Variants in AFF3 observed in about 807,000 individuals in gnomAD.
AFF3 encodes the protein AF4/FMR2 family member 3.
In AFF3, 32 loss-of-function variants were observed where a neutral mutation model predicts 129.7. The ratio of observed to expected loss-of-function variants is 0.25; its 90% confidence interval spans 0.19 to 0.33. The LOEUF (loss-of-function observed/expected upper bound fraction) is 0.33, where lower values mean the gene tolerates loss of function less well. AFF3 is among the 10% of genes least tolerant of loss of function. AFF3 has a pLI of 1.00. For synonymous variants in AFF3, 644 were observed against 635.4 expected, an observed-to-expected ratio of 1.01 and a Z score of -0.20; for missense variants, 1,373 against 1,592.0, an observed-to-expected ratio of 0.86 and a Z score of 2.34.
In AFF3 at chr2:100,117,174, A is replaced by G. The variant is rs546821121; in HGVS notation, c.-144-11591T>C. ...CTTCTTATCTAAGTTTGATAGCTTCATCAGTTTGGGAAGTTCTTAGCCATT... is the reference window on the plus strand; with the variant it reads ...CTTCTTATCTAAGTTTGATAGCTTCGTCAGTTTGGGAAGTTCTTAGCCATT... On this transcript the variant is annotated intron_variant, in intron 2 of 24. Coordinates refer to ENST00000672756, the MANE Select transcript of AFF3 (RefSeq NM_001386135.1). 2.5e-4 allele frequency among the ~76,000 whole-genome samples: 38 copies of G among 152,274 alleles called. No homozygotes were observed. In the South Asian group the frequency reaches 6.0e-3, roughly 24 times the overall value.
chr2:99,802,495 T>C (rs1686017124), intron 8 of AFF3, among the ~76,000 whole-genome samples: 1 of 152,060 alleles, frequency 6.6e-6, no homozygotes, highest in African/African-American at 2.4e-5. Context: ...ACCCTGTCTC[T>C]ACAAAAAATT....
rs13400669 is a variant in AFF3, at chr2:100,038,421, T to C, written c.54-29489A>G. On this transcript the variant is annotated intron_variant, in intron 4 of 24. Coordinates refer to ENST00000672756, the MANE Select transcript of AFF3 (RefSeq NM_001386135.1). The stretch of plus-strand genomic sequence containing the variant: ...ATAAAAAAGAGAAGGGCTGCTCTGA[T>C]CAAAAAGTGTTTTACAGAAAGACAA... 4.5e-3 allele frequency among the ~76,000 whole-genome samples: 679 copies of C among 151,292 alleles called. 6 individuals are homozygous for C. Among genetic ancestry groups the C allele is most frequent in the African/African-American group, 0.016 (654 of 41,302 alleles).
intron 7 of AFF3, among the ~76,000 whole-genome samples, chr2:99,918,523 G>T (rs559392088): frequency 6.6e-6 from 1 of 152,098 alleles, no homozygotes; most frequent in Non-Finnish European, 1.5e-5. Flanking sequence ...CTGTTCTCCC[G>T]ACAGTGTTTG....
rs558149258 is a variant in AFF3 at position 99,617,954 on chromosome 2, G to GTGAA, written c.1185-16337_1185-16334dup. On this transcript the variant is annotated intron_variant, in intron 13 of 24. Coordinates refer to ENST00000672756, the MANE Select transcript of AFF3 (RefSeq NM_001386135.1). Reference sequence around the variant, plus strand: ...AATACTACCCTGTGTTCTCTCAGGAGTGAAACTTTCCCAACAAGTGGGGAT... The same window carrying GTGAA: ...AATACTACCCTGTGTTCTCTCAGGAGTGAATGAAACTTTCCCAACAAGTGGGGAT... Among the ~76,000 whole-genome samples, 361 of 152,290 alleles carry GTGAA rather than the reference G, an allele frequency of 2.4e-3. 1 individual carries two copies. Among genetic ancestry groups the GTGAA allele is most frequent in the African/African-American group, 8.3e-3 (346 of 41,566 alleles).
At chr2:99,967,558 C>G (rs1191551177) in intron 7 of AFF3, among the ~76,000 whole-genome samples, 1 of 152,204 alleles carries the variant, frequency 6.6e-6, no homozygotes, top group Non-Finnish European at 1.5e-5. Flanking sequence ...GTGGCACTGT[C>G]CTGGGGGCAG....
chr2:99,939,677 C>T (rs1674849024), intron 7 of AFF3, among the ~76,000 whole-genome samples: 1 of 152,200 alleles, frequency 6.6e-6, no homozygotes, highest in Non-Finnish European at 1.5e-5. Context: ...ACTCTGAACT[C>T]CATACAGGAA....
intron 4 of AFF3, among the ~76,000 whole-genome samples, chr2:100,046,435 G>A (rs1685842090): frequency 6.6e-6 from 1 of 152,196 alleles, no homozygotes; most frequent in South Asian, 2.1e-4. Flanking sequence ...GGAAAAAGAG[G>A]AGACGAAGGG....
At chr2:99,661,224 ACTT>A (rs1387848866) in intron 12 of AFF3, among the ~76,000 whole-genome samples, 2 of 152,188 alleles carry the variant, frequency 1.3e-5, no homozygotes, top group African/African-American at 2.4e-5. Flanking sequence ...GGAGAATTCC[ACTT>A]CTTCTGCCAA....
chr2:99,898,052 A>G (rs1694096451), intron 7 of AFF3, among the ~76,000 whole-genome samples: 1 of 152,186 alleles, frequency 6.6e-6, no homozygotes, highest in African/African-American at 2.4e-5. Flanking sequence ...TTCAAAGTCT[A>G]GCTCCCTCTG....
chr2:99,901,088 G>A lies in AFF3; in HGVS notation c.874-63564C>T, dbSNP rs986753257. 2.0e-5 allele frequency among the ~76,000 whole-genome samples: 3 copies of A among 152,246 alleles called. No individual in the cohort carries two copies. The South Asian group carries it at 6.2e-4, about 31-fold the overall frequency. On this transcript the variant is annotated intron_variant, in intron 7 of 24. Transcript: ENST00000672756. ...TGCCTGCATATGCATGTGTGTGCAT[G>A]CATGCAATCTGGCTATGAACGCATT...
intron 7 of AFF3, among the ~76,000 whole-genome samples, chr2:100,001,907 G>A (rs943084080): frequency 5.3e-5 from 8 of 152,214 alleles, no homozygotes; most frequent in African/African-American, 1.4e-4. Context: ...TCGGGTATAC[G>A]CAGTACAGGC....
At chr2:99,651,208 T>C (rs998944830) in intron 12 of AFF3, among the ~76,000 whole-genome samples, 2 of 150,378 alleles carry the variant, frequency 1.3e-5, no homozygotes, top group Admixed American at 6.6e-5. Context: ...CATTTCTCCA[T>C]CGGATTCTCC....
chr2:99,750,418 C>A (rs74177692), intron 9 of AFF3, among the ~76,000 whole-genome samples: 1 of 129,118 alleles, frequency 7.7e-6, no homozygotes, highest in Non-Finnish European at 1.6e-5. Flanking sequence ...TTTTTCTTTT[C>A]TTTTTTTTTT....
chr2:99,779,879 G>A (rs990566388), intron 8 of AFF3, among the ~76,000 whole-genome samples: 5 of 152,192 alleles, frequency 3.3e-5, no homozygotes, highest in East Asian at 1.9e-4. Context: ...GCAGAGCCAC[G>A]ACCTGGATTC....
At chr2:99,727,687 G>C (rs1235150865) in intron 10 of AFF3, among the ~76,000 whole-genome samples, 1 of 151,092 alleles carries the variant, frequency 6.6e-6, no homozygotes, top group Non-Finnish European at 1.5e-5. Context: ...TCAGCCTCCC[G>C]AGTAGCTGGG....
intron 12 of AFF3, among the ~76,000 whole-genome samples, chr2:99,671,559 TG>T (rs141043518): frequency 0.15 from 22,696 of 152,200 alleles, 2,126 homozygotes; most frequent in South Asian, 0.26. Context: ...TTGTTCTCTC[TG>T]TAAGTTATTT....
At position 99,672,467 on chromosome 2, in the gene AFF3, C is replaced by A. The variant is rs1687249908; in HGVS notation, c.1143+71G>T. ...TGCCACCATTCAGCTTGGTTAACAC[C>A]CGGCACAGTCCACCAGGTAACTGTT... On this transcript the variant is annotated intron_variant, in intron 12 of 24. Coordinates refer to ENST00000672756, the MANE Select transcript of AFF3 (RefSeq NM_001386135.1). 6 of 1,500,538 alleles carry A rather than the reference C, an allele frequency of 4.0e-6. No homozygotes were observed. The Admixed American group carries it at 1.0e-4, about 25-fold the overall frequency. 93.0% of individuals were successfully genotyped at this position (1,500,538 alleles called of 1,614,324 possible).
intron 13 of AFF3, among the ~76,000 whole-genome samples, chr2:99,620,132 G>A (rs907651926): frequency 6.6e-6 from 1 of 152,158 alleles, no homozygotes; most frequent in African/African-American, 2.4e-5. Context: ...CAGACCAACA[G>A]GCTGGCTTGG....
chr2:99,761,865 T>A (rs1023820205), intron 8 of AFF3, among the ~76,000 whole-genome samples: 1 of 152,184 alleles, frequency 6.6e-6, no homozygotes, highest in African/African-American at 2.4e-5. Context: ...TTGTTCAAGA[T>A]GCTCTGTCAC....
Sources: allele counts gnomAD v4.1 joint callset (sites outside exome capture counted in the v4.1 genomes callset), GRCh38; gene constraint gnomAD v4.1.1; transcripts MANE v1.5; gene names NCBI Gene and HGNC (gene_info 2026-07-23, HGNC 2026-07-21).